Variants in DNM1 observed in about 807,000 individuals in gnomAD.
DNM1 encodes dynamin 1.
Under a neutral mutation model 104.6 loss-of-function variants are expected in DNM1, and 29 were observed. That is an observed-to-expected ratio of 0.28 (90% confidence interval 0.21 to 0.38). The LOEUF is 0.38. Ranked by LOEUF, DNM1 falls within the 10% of genes least tolerant of loss-of-function variation. The pLI, the probability that DNM1 is intolerant of heterozygous loss-of-function variation, is 1.00. For synonymous variants in DNM1, 445 were observed against 475.8 expected (o/e 0.94, Z 0.84); for missense variants, 640 against 1,189.4 (o/e 0.54, Z 6.79).
intron 6 of DNM1, among the ~76,000 whole-genome samples, chr9:128,221,460 T>C (rs183216124): frequency 1.2e-4 from 19 of 152,276 alleles, no homozygotes; most frequent in African/African-American, 4.3e-4. Flanking sequence ...ATAGGATTGT[T>C]GTAAAGGTTC....
rs750618124 is a variant in DNM1, at chr9:128,224,253, C to T, written c.1199C>T (p.Thr400Met). The part of the protein sequence containing the change: ...YAIKNIHGIR[T>M]GLFTPDMAFE... Reference sequence around the variant, plus strand: ...CTTCTCCCGCTCCGGGCGTTCAGAACGGGGCTGTTTACCCCAGACATGGCC... The same window carrying T: ...CTTCTCCCGCTCCGGGCGTTCAGAATGGGGCTGTTTACCCCAGACATGGCC... Residue 400 changes from threonine to methionine, a missense_variant and splice_region_variant, in exon 10 of 22, where the codon ACG (threonine) becomes ATG (methionine). Around this residue, in one of 7 missense-constraint regions of DNM1, gnomAD observed 38 missense variants for 113.5 expected, o/e 0.33. Coordinates refer to ENST00000372923, the MANE Select transcript of DNM1 (RefSeq NM_004408.4). This position sits in a 1 kb window ranked among gnomAD's most constrained non-coding sequence, Gnocchi z 4.3. 9 of 1,613,486 alleles carry T rather than the reference C, an allele frequency of 5.6e-6. No homozygotes were observed. The highest frequency in any genetic ancestry group is 7.6e-6 in the Non-Finnish European group (9 of 1,179,710).
Position 128,245,762 on chromosome 9 carries a change from T to C in DNM1, c.1672-632T>C, listed in dbSNP as rs1836762090. Among the ~76,000 whole-genome samples, 1 of 152,192 alleles carries C rather than the reference T, an allele frequency of 6.6e-6. No homozygotes were observed. The highest frequency in any genetic ancestry group is 1.5e-5 in the Non-Finnish European group (1 of 68,026). On this transcript the variant is annotated intron_variant, in intron 15 of 21. Transcript: ENST00000372923. The surrounding 1 kb of genome is among the most constrained non-coding windows in gnomAD (Gnocchi z 5.2). ...CATCCACACTGAGATGCAGACACGC[T>C]GACACCGACACATGGTTCATGCTGG... is the stretch of plus-strand genomic sequence containing the variant.
Position 128,222,609 on chromosome 9 carries a change from G to A in DNM1, c.1128+13G>A. 1 of 1,613,994 alleles carries A rather than the reference G, an allele frequency of 6.2e-7. No individual in the cohort carries two copies. The highest frequency in any genetic ancestry group is 1.7e-5 in the Admixed American group (1 of 60,020). On this transcript the variant is annotated intron_variant, in intron 8 of 21. Transcript: ENST00000372923. The surrounding 1 kb of genome is among the most constrained non-coding windows in gnomAD (Gnocchi z 7.8). ...CGAGCTGGTCAAGGTAGGTCAGGCAGCCCTGGGGACAGGATGGCTCAGGAC... is the reference window on the plus strand; with the variant it reads ...CGAGCTGGTCAAGGTAGGTCAGGCAACCCTGGGGACAGGATGGCTCAGGAC...
intron 15 of DNM1, among the ~76,000 whole-genome samples, chr9:128,244,501 G>A (rs1412869790): frequency 6.6e-6 from 1 of 151,840 alleles, no homozygotes; most frequent in South Asian, 2.1e-4. Flanking sequence ...GCAGACCGGC[G>A]GCTGCCCACA....
At chr9:128,207,098 C>T (rs1834015432) in intron 1 of DNM1, among the ~76,000 whole-genome samples, 1 of 151,986 alleles carries the variant, frequency 6.6e-6, no homozygotes, top group Non-Finnish European at 1.5e-5. Flanking sequence ...GGACTTTGAC[C>T]TGAGCTCCTG....
intron 10 of DNM1, chr9:128,231,920 C>T (rs1835714925): frequency 2.3e-6 from 1 of 441,038 alleles, no homozygotes; most frequent in Admixed American, 2.5e-5. Flanking sequence ...GACTGCTAAC[C>T]CGGTGGGCTC....
At position 128,245,005 on chromosome 9, in the gene DNM1, G is replaced by A; in HGVS notation, c.1672-1389G>A. The A allele has an allele frequency of 3.5e-6, 1 of 281,822 alleles. No homozygotes were observed. The highest frequency in any genetic ancestry group is 7.4e-6 in the Non-Finnish European group (1 of 134,360). 17.5% of individuals were successfully genotyped at this position (281,822 alleles called of 1,614,324 possible). A position where few individuals can be genotyped will look rare whatever the true frequency, so the allele number is the denominator to read the frequency against. On this transcript the variant is annotated intron_variant, in intron 15 of 21. Transcript: ENST00000372923. The surrounding 1 kb of genome is among the most constrained non-coding windows in gnomAD (Gnocchi z 5.2). ...TCCTTTGACGTGGCAGGGGTGAGCG[G>A]GAGCTGGGGCTGAGAAGGAGGGGCC...
rs1240400319 is a variant in DNM1, at chr9:128,240,084, A to T, written c.1557+88A>T. On this transcript the variant is annotated intron_variant, in intron 14 of 21. Coordinates refer to ENST00000372923, the MANE Select transcript of DNM1 (RefSeq NM_004408.4). This position sits in a 1 kb window ranked among gnomAD's most constrained non-coding sequence, Gnocchi z 5.1. ...GGGGATCTGCAACGGGTAGGAGGGC[A>T]CCCTTTGGCTGAAGCTGCTTGTACA... is the stretch of plus-strand genomic sequence containing the variant. The T allele has an allele frequency of 6.0e-6, 9 of 1,495,914 alleles. No individual in the cohort carries two copies. The highest frequency in any genetic ancestry group is 9.3e-7 in the Non-Finnish European group (1 of 1,074,166). The allele number at this position is 1,495,914 out of a possible 1,614,324, so 92.7% of individuals were successfully genotyped here.
At position 128,248,766 on chromosome 9, in the gene DNM1, C is replaced by T; in HGVS notation, c.2076+13C>T. 4.4e-6 allele frequency: 7 copies of T among 1,608,302 alleles called. No homozygotes were observed. The highest frequency in any genetic ancestry group is 6.0e-6 in the Non-Finnish European group (7 of 1,175,202). The stretch of plus-strand genomic sequence containing the variant: ...CATGATTAACAATGTGCGTGCTCCA[C>T]TGCATGGGGGCAGGGAAATCCTGTG... On this transcript the variant is annotated intron_variant, in intron 19 of 21. Transcript: ENST00000372923. The surrounding 1 kb of genome is among the most constrained non-coding windows in gnomAD (Gnocchi z 5.6).
At chr9:128,238,873 T>C (rs1432099249) in intron 11 of DNM1, among the ~76,000 whole-genome samples, 1 of 151,732 alleles carries the variant, frequency 6.6e-6, no homozygotes, top group Non-Finnish European at 1.5e-5. Flanking sequence ...GGCAGGATGG[T>C]CTCGATCTCC....
chr9:128,218,520 C>A lies in DNM1; in HGVS notation c.236-62C>A. The A allele has an allele frequency of 1.3e-6, 2 of 1,565,048 alleles. No individual in the cohort carries two copies. Among genetic ancestry groups the A allele is most frequent in the Admixed American group, 1.8e-5 (1 of 56,276 alleles). ...TTCTATTACCGGTGGGAGATGAAAACCCCCAGGTGGGGTTCCAGACCTTGA... is the reference window on the plus strand; with the variant it reads ...TTCTATTACCGGTGGGAGATGAAAAACCCCAGGTGGGGTTCCAGACCTTGA... On this transcript the variant is annotated intron_variant, in intron 2 of 21. Coordinates refer to ENST00000372923, the MANE Select transcript of DNM1 (RefSeq NM_004408.4). The surrounding 1 kb of genome is among the most constrained non-coding windows in gnomAD (Gnocchi z 4.8).
chr9:128,211,472 CTTTTTTTTTTTT>C (rs56712140), intron 1 of DNM1, among the ~76,000 whole-genome samples: 1 of 78,112 alleles, frequency 1.3e-5, no homozygotes, highest in South Asian at 5.8e-4. Context: ...CTGGAAGCCT[CTTTTTTTTTTTT>C]TTTTTTTTTT....
chr9:128,205,492 A>G (rs1833884329), intron 1 of DNM1, among the ~76,000 whole-genome samples: 1 of 152,198 alleles, frequency 6.6e-6, no homozygotes, highest in Non-Finnish European at 1.5e-5. Flanking sequence ...AAGGTCACAC[A>G]TTCAGAAAGG....
chr9:128,231,878 C>G (rs1835712129), intron 10 of DNM1: 2 of 371,408 alleles, frequency 5.4e-6, no homozygotes, highest in Non-Finnish European at 5.4e-6. Context: ...GCTTTGAACC[C>G]AGGGCTGAAT....
rs1178696684 is a variant in DNM1 at position 128,211,362 on chromosome 9, C to G, written c.162-6869C>G. Among the ~76,000 whole-genome samples, 3 of 152,312 alleles carry G rather than the reference C, an allele frequency of 2.0e-5. No homozygotes were observed. In the East Asian group the frequency reaches 5.8e-4, roughly 29 times the overall value. ...CAGTCCTGCTTCCTTTCAGCCGCTC[C>G]CTCCTGGTCTACCTGAATATATTAC... On this transcript the variant is annotated intron_variant, in intron 1 of 21. Transcript: ENST00000372923.
intron 21 of DNM1, chr9:128,252,570 A>G (rs1829593450): frequency 5.2e-6 from 2 of 386,708 alleles, no homozygotes; most frequent in South Asian, 3.7e-5. Flanking sequence ...AGAATGAGGA[A>G]GAGCTCTGTG....
At chr9:128,217,618 A>C (rs1353570153) in intron 1 of DNM1, among the ~76,000 whole-genome samples, 1 of 152,060 alleles carries the variant, frequency 6.6e-6, no homozygotes, top group Non-Finnish European at 1.5e-5. Flanking sequence ...GGGTTTCACC[A>C]TGTTGGCCAG....
In DNM1 at chr9:128,248,486, A is replaced by G. The variant is rs1376283824; in HGVS notation, c.1906-97A>G. ...GCCAGTCGCTTCTCTCTGTGCCTCA[A>G]TATTCTGGGTACCCTTGGAGGGGCT... is the stretch of plus-strand genomic sequence containing the variant. On this transcript the variant is annotated intron_variant, in intron 18 of 21. Transcript: ENST00000372923. The surrounding 1 kb of genome is among the most constrained non-coding windows in gnomAD (Gnocchi z 5.6). The G allele has an allele frequency of 8.3e-6, 12 of 1,448,716 alleles. No homozygotes were observed. The highest frequency in any genetic ancestry group is 2.3e-5 in the East Asian group (1 of 43,484). 89.7% of individuals were successfully genotyped at this position (1,448,716 alleles called of 1,614,324 possible). A position where few individuals can be genotyped will look rare whatever the true frequency, so the allele number is the denominator to read the frequency against.
intron 10 of DNM1, among the ~76,000 whole-genome samples, chr9:128,230,696 C>A (rs1290691028): frequency 1.3e-5 from 2 of 152,136 alleles, no homozygotes; most frequent in African/African-American, 4.8e-5. Context: ...AGGTGATCCA[C>A]CCGCCTTGGC....
Sources: gnomAD v4.1 joint callset for allele counts (sites outside exome capture counted in the v4.1 genomes callset) on GRCh38, gnomAD v4.1.1 for gene constraint, gnomAD v4.1.1 regional missense constraint, Gnocchi (gnomAD v3.1) non-coding constraint, MANE v1.5 for transcripts, NCBI Gene and HGNC (gene_info 2026-07-23, HGNC 2026-07-21) for gene names.